SGCZ: variants seen among roughly 807,000 people sequenced by gnomAD.
The protein encoded by SGCZ is sarcoglycan zeta, also known as zeta-sarcoglycan.
SGCZ carries 40 observed loss-of-function variants against 41.3 expected under a neutral mutation model. That is an observed-to-expected ratio of 0.97 (90% CI 0.75 to 1.26). The LOEUF is 1.26. SGCZ is among the 50% of genes most tolerant of loss of function. SGCZ has a pLI of 0.00. For synonymous variants in SGCZ, 206 were observed against 137.5 expected (o/e 1.50, Z -3.49); for missense variants, 552 against 369.8 (o/e 1.49, Z -4.04).
intron 2 of SGCZ, among the ~76,000 whole-genome samples, chr8:14,483,934 C>T (rs1347920230): frequency 6.6e-6 from 1 of 152,104 alleles, no homozygotes; most frequent in East Asian, 1.9e-4. Flanking sequence ...TGATTGCTGA[C>T]TACATGGATT....
chr8:14,782,374 CT>C lies in SGCZ; in HGVS notation c.40-227449del, dbSNP rs1269411627. On this transcript the variant is annotated intron_variant, in intron 1 of 7. Transcript: ENST00000382080. ...GGAACCTGCTGAATCATAATGTAAGCTTCTGTTTTGTTTTGTCTTGTTTTGT... is the reference window on the plus strand; with the variant it reads ...GGAACCTGCTGAATCATAATGTAAGCTCTGTTTTGTTTTGTCTTGTTTTGT... Among the ~76,000 whole-genome samples, 7 of 152,260 alleles carry C rather than the reference CT, an allele frequency of 4.6e-5. No individual in the cohort carries two copies. In the East Asian group the frequency reaches 7.7e-4, roughly 17 times the overall value.
At position 14,086,346 on chromosome 8, in the gene SGCZ, C is replaced by T. The variant is rs541413932; in HGVS notation, c.*4097G>A. Among the ~76,000 whole-genome samples, 45 of 151,780 alleles carry T rather than the reference C, an allele frequency of 3.0e-4. No individual in the cohort carries two copies. Among genetic ancestry groups the T allele is most frequent in the East Asian group, 2.5e-3 (13 of 5,144 alleles). ...GCATTAGACGCTCTCCAGGCTATTG[C>T]TGCCTCATACAGAGATACCATGTTT... On this transcript the variant is annotated 3_prime_UTR_variant, in exon 8 of 8. Coordinates refer to ENST00000382080, the MANE Select transcript of SGCZ (RefSeq NM_139167.4).
At chr8:14,751,841 A>G (rs764286464) in intron 1 of SGCZ, among the ~76,000 whole-genome samples, 17 of 151,102 alleles carry the variant, frequency 1.1e-4, no homozygotes, top group Admixed American at 2.7e-4. Flanking sequence ...GAGCCACTGC[A>G]CCCGGCCATG....
intron 1 of SGCZ, among the ~76,000 whole-genome samples, chr8:14,733,484 C>G (rs1798934026): frequency 6.6e-6 from 1 of 152,144 alleles, no homozygotes; most frequent in African/African-American, 2.4e-5. Context: ...TGTGTCTTAT[C>G]ATACCTGATT....
chr8:14,799,158 T>G (rs1410199559), intron 1 of SGCZ, among the ~76,000 whole-genome samples: 1 of 152,060 alleles, frequency 6.6e-6, no homozygotes, highest in Non-Finnish European at 1.5e-5. Context: ...GGAAAAAAGA[T>G]ATAACAATAA....
At chr8:14,853,565 C>A in intron 1 of SGCZ, 1 of 499,898 alleles carries the variant, frequency 2.0e-6, no homozygotes, top group Non-Finnish European at 4.2e-6. Flanking sequence ...CATAATCAAA[C>A]AATACACATT....
intron 1 of SGCZ, among the ~76,000 whole-genome samples, chr8:15,092,785 T>C (rs1286312724): frequency 6.6e-6 from 1 of 152,212 alleles, no homozygotes; most frequent in Non-Finnish European, 1.5e-5. Context: ...TTCATCCTGA[T>C]GGAAAATAAT....
intron 1 of SGCZ, among the ~76,000 whole-genome samples, chr8:14,628,562 G>A (rs34760573): frequency 6.6e-6 from 1 of 152,030 alleles, no homozygotes; most frequent in Non-Finnish European, 1.5e-5. Flanking sequence ...GAAGCAATAG[G>A]TTCCATGGAT....
rs550382043 is a variant in SGCZ, at chr8:14,284,626, T to G, written c.336+39477A>C. 3.9e-4 allele frequency among the ~76,000 whole-genome samples: 60 copies of G among 152,332 alleles called. 1 individual carries two copies. The highest frequency in any genetic ancestry group is 1.4e-3 in the African/African-American group (58 of 41,574). ...CATTTAATATTGCTTTTGATATTGT[T>G]AAGTTTAAGCCTGTCTTCTTACTTT... On this transcript the variant is annotated intron_variant, in intron 3 of 7. Transcript: ENST00000382080.
At chr8:14,783,570 C>A (rs1162620332) in intron 1 of SGCZ, among the ~76,000 whole-genome samples, 3 of 149,210 alleles carry the variant, frequency 2.0e-5, no homozygotes, top group African/African-American at 7.4e-5. Context: ...ATAACTATAA[C>A]ATAATAATTT....
chr8:14,209,938 CA>C (rs1238108720), intron 4 of SGCZ, among the ~76,000 whole-genome samples: 2 of 152,084 alleles, frequency 1.3e-5, no homozygotes, highest in South Asian at 2.1e-4. Context: ...TGAATAAATA[CA>C]TTTCTCATTT....
intron 1 of SGCZ, among the ~76,000 whole-genome samples, chr8:14,815,487 A>C (rs1399078051): frequency 6.6e-6 from 1 of 152,096 alleles, no homozygotes; most frequent in Non-Finnish European, 1.5e-5. Context: ...CTTTGTGATG[A>C]AAATATTTCT....
At position 14,762,060 on chromosome 8, in the gene SGCZ, A is replaced by C. The variant is rs546802050; in HGVS notation, c.40-207134T>G. Among the ~76,000 whole-genome samples, 10 of 152,316 alleles carry C rather than the reference A, an allele frequency of 6.6e-5. 1 individual carries two copies. Among genetic ancestry groups the C allele is most frequent in the Admixed American group, 6.5e-4 (10 of 15,302 alleles). ...GGTGTTGTGAATGAATAGCAAATTG[A>C]GACAGATGCCACATTGACATGGAAC... On this transcript the variant is annotated intron_variant, in intron 1 of 7. Transcript: ENST00000382080.
At chr8:14,501,570 T>G (rs1403043563) in intron 2 of SGCZ, among the ~76,000 whole-genome samples, 1 of 151,642 alleles carries the variant, frequency 6.6e-6, no homozygotes, top group Non-Finnish European at 1.5e-5. Context: ...CTGCTTTTCA[T>G]AATCTATATT....
chr8:15,176,739 C>T (rs150306149), intron 1 of SGCZ, among the ~76,000 whole-genome samples: 5,215 of 152,288 alleles, frequency 0.034, 132 homozygotes, highest in Middle Eastern at 0.1. Flanking sequence ...CAGTGGCTCA[C>T]GCCTGTAATC....
chr8:14,239,394 T>A (rs555458374), intron 3 of SGCZ, among the ~76,000 whole-genome samples: 1 of 152,234 alleles, frequency 6.6e-6, no homozygotes, highest in East Asian at 1.9e-4. Flanking sequence ...CTATGAAACA[T>A]CCTGCAGTTC....
At chr8:14,207,364 A>G (rs994767447) in intron 4 of SGCZ, among the ~76,000 whole-genome samples, 6 of 152,224 alleles carry the variant, frequency 3.9e-5, no homozygotes, top group African/African-American at 1.4e-4. Flanking sequence ...ATATTCTGCC[A>G]TGACAGAGTA....
chr8:14,337,704 G>A (rs1448482114), intron 2 of SGCZ, among the ~76,000 whole-genome samples: 1 of 152,244 alleles, frequency 6.6e-6, no homozygotes, highest in Middle Eastern at 3.4e-3. Flanking sequence ...AAAGCACAGA[G>A]GACATGCCAA....
intron 2 of SGCZ, among the ~76,000 whole-genome samples, chr8:14,428,959 C>T (rs1049379717): frequency 6.6e-6 from 1 of 152,126 alleles, no homozygotes; most frequent in African/African-American, 2.4e-5. Context: ...TATTTTAGTG[C>T]ATTTTGGTAA....
Sources: gnomAD v4.1 joint callset for allele counts (sites outside exome capture counted in the v4.1 genomes callset) on GRCh38, gnomAD v4.1.1 for gene constraint, MANE v1.5 for transcripts, NCBI Gene and HGNC (gene_info 2026-07-23, HGNC 2026-07-21) for gene names.